GALNT11: variants seen among roughly 807,000 people sequenced by gnomAD.
The protein encoded by GALNT11 is UDP-GalNAc:polypeptide N-acetylgalactosaminyltransferase 11.
In GALNT11, 47 loss-of-function variants were observed where a neutral mutation model predicts 72.7. The observed-to-expected ratio is 0.65, with a 90% confidence interval of 0.51 to 0.82. The LOEUF (loss-of-function observed/expected upper bound fraction) is 0.82. GALNT11 is among the 40% of genes least tolerant of loss of function. The pLI is 0.00. For synonymous variants in GALNT11, 270 were observed against 286.6 expected (o/e 0.94, Z 0.58); for missense variants, 677 against 778.4 (o/e 0.87, Z 1.55).
chr7:152,067,830 G>A (rs145924921), intron 1 of GALNT11, among the ~76,000 whole-genome samples: 1,597 of 152,226 alleles, frequency 0.01, 25 homozygotes, highest in African/African-American at 0.037. Flanking sequence ...GGTTCTGCAG[G>A]CTTTACGGGA....
chr7:152,099,466 A>C (rs1178421405), intron 2 of GALNT11, among the ~76,000 whole-genome samples: 2 of 134,188 alleles, frequency 1.5e-5, no homozygotes, highest in Non-Finnish European at 3.2e-5. Context: ...CGGGTTTAAG[A>C]GATTCTCCTG....
At chr7:152,089,001 C>T (rs1172346277) in intron 1 of GALNT11, among the ~76,000 whole-genome samples, 7 of 152,192 alleles carry the variant, frequency 4.6e-5, no homozygotes, top group African/African-American at 9.7e-5. Context: ...AAATCATACC[C>T]TGAGACCATA....
chr7:152,114,105 C>G (rs1045352069), intron 8 of GALNT11, among the ~76,000 whole-genome samples: 2 of 151,948 alleles, frequency 1.3e-5, no homozygotes, highest in Non-Finnish European at 2.9e-5. Flanking sequence ...GTGACCCAAT[C>G]CCGTTTCTTC....
In GALNT11 at chr7:152,113,710, T is replaced by C. The variant is rs909859768; in HGVS notation, c.1233+312T>C. Among the ~76,000 whole-genome samples the C allele has an allele frequency of 5.7e-4, 66 of 116,252 alleles. 1 individual carries two copies. The highest frequency in any genetic ancestry group is 2.0e-3 in the African/African-American group (65 of 32,024). 76.3% of individuals were successfully genotyped at this position (116,252 alleles called of 152,430 possible). On this transcript the variant is annotated intron_variant, in intron 8 of 11. Transcript: ENST00000430044. ...ATTGTGACGCCTGCAAAAGTTGGCT[T>C]TCTTTTTTTTTTTTTTTTTTTTTTT...
chr7:152,108,765 CTG>C (rs1367597323), intron 6 of GALNT11, among the ~76,000 whole-genome samples: 1 of 152,144 alleles, frequency 6.6e-6, no homozygotes, highest in East Asian at 1.9e-4. Flanking sequence ...ACGTTCTTAT[CTG>C]TGTTTCATCT....
At chr7:152,082,075 A>G (rs2085356240) in intron 1 of GALNT11, among the ~76,000 whole-genome samples, 1 of 152,058 alleles carries the variant, frequency 6.6e-6, no homozygotes, top group African/African-American at 2.4e-5. Flanking sequence ...ATTGTTTTCT[A>G]TTTTTACCAT....
chr7:152,040,503 G>T (rs1413303132), intron 1 of GALNT11, among the ~76,000 whole-genome samples: 12 of 152,196 alleles, frequency 7.9e-5, no homozygotes, highest in Non-Finnish European at 1.8e-4. Flanking sequence ...TCTAGCATTA[G>T]ATATTACTTT....
chr7:152,083,407 G>C (rs2085432187), intron 1 of GALNT11, among the ~76,000 whole-genome samples: 1 of 152,110 alleles, frequency 6.6e-6, no homozygotes, highest in Non-Finnish European at 1.5e-5. Flanking sequence ...TTAGTTGAAA[G>C]TCATTCATTT....
chr7:152,068,007 A>ACTC (rs1040932375), intron 1 of GALNT11, among the ~76,000 whole-genome samples: 2 of 151,704 alleles, frequency 1.3e-5, no homozygotes, highest in Middle Eastern at 3.4e-3. Flanking sequence ...TCTTGCAAGA[A>ACTC]CTCCCTGTCA....
chr7:152,103,611 T>C, intron 4 of GALNT11: 1 of 241,474 alleles, frequency 4.1e-6, no homozygotes, highest in Non-Finnish European at 8.6e-6. Flanking sequence ...AATTCCCCTG[T>C]CAGAACCAGG....
intron 5 of GALNT11, chr7:152,107,665 G>T (rs2087728666): frequency 5.6e-6 from 1 of 179,656 alleles, no homozygotes; most frequent in African/African-American, 2.3e-5. Flanking sequence ...ACATACAACT[G>T]GCCACCGTCA....
At chr7:152,090,815 C>A (rs1057464080) in intron 1 of GALNT11, among the ~76,000 whole-genome samples, 1 of 152,184 alleles carries the variant, frequency 6.6e-6, no homozygotes, top group African/African-American at 2.4e-5. Flanking sequence ...GCTTTATTTT[C>A]TTTCCTCAGC....
intron 1 of GALNT11, among the ~76,000 whole-genome samples, chr7:152,089,549 G>A (rs1181145468): frequency 6.6e-6 from 1 of 152,174 alleles, no homozygotes; most frequent in South Asian, 2.1e-4. Context: ...AACCCGATTG[G>A]CTAACAGTTT....
At chr7:152,111,387 T>C (rs1165382177) in intron 7 of GALNT11, among the ~76,000 whole-genome samples, 1 of 152,218 alleles carries the variant, frequency 6.6e-6, no homozygotes, top group African/African-American at 2.4e-5. Flanking sequence ...ACTCCTGGAC[T>C]CAAGCAATCC....
chr7:152,040,689 A>G (rs1331759339), intron 1 of GALNT11, among the ~76,000 whole-genome samples: 2 of 152,232 alleles, frequency 1.3e-5, no homozygotes, highest in Admixed American at 6.5e-5. Context: ...AGCATTTTCA[A>G]TTAACTGTGT....
intron 9 of GALNT11, chr7:152,118,438 C>G: frequency 2.3e-6 from 1 of 433,676 alleles, no homozygotes; most frequent in Non-Finnish European, 4.1e-6. Flanking sequence ...GCTAGAATTC[C>G]TAGCTGACAC....
intron 1 of GALNT11, among the ~76,000 whole-genome samples, chr7:152,050,406 T>C (rs1343169530): frequency 6.6e-6 from 1 of 152,224 alleles, no homozygotes; most frequent in Admixed American, 6.5e-5. Flanking sequence ...AGAAATGTTA[T>C]CTGGGACATT....
intron 1 of GALNT11, among the ~76,000 whole-genome samples, chr7:152,088,948 T>C (rs575181879): frequency 1.6e-4 from 25 of 152,304 alleles, no homozygotes; most frequent in African/African-American, 6.0e-4. Context: ...TGCCAGTGCT[T>C]GTGTAGTTGC....
chr7:152,051,199 GTTTTTTTTTTT>G (rs35668155), intron 1 of GALNT11, among the ~76,000 whole-genome samples: 1 of 46,808 alleles, frequency 2.1e-5, no homozygotes, highest in Non-Finnish European at 4.9e-5. Context: ...ATATCTGGTT[GTTTTTTTTTTT>G]TTTTTTTTTT....
Sources: allele counts gnomAD v4.1 joint callset (sites outside exome capture counted in the v4.1 genomes callset), GRCh38; gene constraint gnomAD v4.1.1; transcripts MANE v1.5; gene names NCBI Gene and HGNC (gene_info 2026-07-23, HGNC 2026-07-21).